Variants in SCTR observed in about 807,000 individuals in gnomAD.
SCTR encodes the protein pancreatic secretin receptor.
A neutral mutation model predicts 60.8 loss-of-function variants in SCTR; 56 were observed. That is an observed-to-expected ratio of 0.92 (90% CI 0.74 to 1.15). The LOEUF is 1.15. Among genes scored for constraint, SCTR ranks in the 50% most tolerant of loss-of-function variants. The probability of loss-of-function intolerance (pLI) is 0.00; values close to 1 mark genes in which losing one functional copy is unlikely to be tolerated. For missense variants in SCTR, 562 were observed against 550.4 expected (o/e 1.02, Z -0.21); for synonymous variants, 202 against 217.0 (o/e 0.93, Z 0.61).
rs144206038 is a variant in SCTR at position 119,484,044 on chromosome 2, A to G, written c.194-5126T>C. ...CCTTCCCAGGGAGCCCTGGCAGGGAAGGGACACAGCCCAGGACTAGGGTCA... is the reference window on the plus strand; with the variant it reads ...CCTTCCCAGGGAGCCCTGGCAGGGAGGGGACACAGCCCAGGACTAGGGTCA... On this transcript the variant is annotated intron_variant, in intron 2 of 12. Coordinates refer to ENST00000019103, the MANE Select transcript of SCTR (RefSeq NM_002980.3). 4.5e-3 allele frequency among the ~76,000 whole-genome samples: 681 copies of G among 152,206 alleles called. 4 individuals are homozygous for G. Among genetic ancestry groups the G allele is most frequent in the Non-Finnish European group, 6.7e-3 (458 of 67,990 alleles).
intron 1 of SCTR, among the ~76,000 whole-genome samples, chr2:119,522,290 C>G (rs147170878): frequency 6.6e-6 from 1 of 151,040 alleles, no homozygotes; most frequent in East Asian, 1.9e-4. Context: ...GAGTGAAACT[C>G]TGTCTCAAAA....
chr2:119,451,595 C>T (rs969259895), intron 9 of SCTR, among the ~76,000 whole-genome samples: 2 of 152,216 alleles, frequency 1.3e-5, no homozygotes, highest in Non-Finnish European at 2.9e-5. Flanking sequence ...CCCCGATCTG[C>T]ACTCCCACCC....
At position 119,473,526 on chromosome 2, in the gene SCTR, C is replaced by T; in HGVS notation, c.332G>A (p.Gly111Asp). 3 of 1,614,086 alleles carry T rather than the reference C, an allele frequency of 1.9e-6. No individual in the cohort carries two copies. Among genetic ancestry groups the T allele is most frequent in the Non-Finnish European group, 2.5e-6 (3 of 1,179,938 alleles). Residue 111 changes from glycine (G) to aspartate (D), a missense_variant, in exon 4 of 13, where the codon GGC becomes GAC. Coordinates refer to ENST00000019103, the MANE Select transcript of SCTR (RefSeq NM_002980.3). ...GSLFRNCTQDGWSETFPRPNL... is the reference protein window; with the variant it reads ...GSLFRNCTQDDWSETFPRPNL... ...AGGCCTGGGGAAGGTTTCTGACCAG[C>T]CATCCTGTGTGCAGTTTCGGAACAA...
At chr2:119,464,341 G>T in intron 5 of SCTR, 86 bp from the exon 6 acceptor site, 1 of 1,334,158 alleles carries the variant, frequency 7.5e-7, no homozygotes, top group Non-Finnish European at 1.1e-6. Flanking sequence ...GTGCACTGGG[G>T]AAACTGAGGC....
intron 1 of SCTR, among the ~76,000 whole-genome samples, chr2:119,510,659 GA>G (rs1678901640): frequency 6.6e-6 from 1 of 152,034 alleles, no homozygotes; most frequent in Non-Finnish European, 1.5e-5. Context: ...AAATGAAGAT[GA>G]AAGAATTGCT....
chr2:119,508,044 A>G (rs147015212), intron 1 of SCTR, among the ~76,000 whole-genome samples: 1 of 152,264 alleles, frequency 6.6e-6, no homozygotes, highest in African/African-American at 2.4e-5. Flanking sequence ...TAACTAGGCA[A>G]TTGGTTACCC....
chr2:119,510,337 G>A (rs1678892192), intron 1 of SCTR, among the ~76,000 whole-genome samples: 1 of 152,196 alleles, frequency 6.6e-6, no homozygotes, highest in Non-Finnish European at 1.5e-5. Context: ...GTGTCCACCA[G>A]TGTCTGTGAG....
chr2:119,480,368 C>T (rs902784485), intron 2 of SCTR, among the ~76,000 whole-genome samples: 5 of 152,126 alleles, frequency 3.3e-5, no homozygotes, highest in Admixed American at 6.5e-5. Flanking sequence ...GGGAAACTCC[C>T]GTTTATGAAA....
intron 1 of SCTR, among the ~76,000 whole-genome samples, chr2:119,516,512 G>A (rs894845366): frequency 6.6e-6 from 1 of 151,896 alleles, no homozygotes; most frequent in Non-Finnish European, 1.5e-5. Flanking sequence ...ATATTACAAA[G>A]TTGAATACAA....
intron 2 of SCTR, among the ~76,000 whole-genome samples, chr2:119,480,296 G>A (rs1403423244): frequency 6.6e-6 from 1 of 152,204 alleles, no homozygotes; most frequent in Non-Finnish European, 1.5e-5. Context: ...CACAATCATG[G>A]TGGAAGACGA....
At position 119,519,268 on chromosome 2, in the gene SCTR, C is replaced by T. The variant is rs559957830; in HGVS notation, c.72+4887G>A. Among the ~76,000 whole-genome samples, 33 of 152,260 alleles carry T rather than the reference C, an allele frequency of 2.2e-4. No individual in the cohort carries two copies. The South Asian group carries it at 6.6e-3, about 31-fold the overall frequency. On this transcript the variant is annotated intron_variant, in intron 1 of 12. Transcript: ENST00000019103. ...GGGATTACAGGCATGGGCCACCGCG[C>T]TCCGCCTAAGTGGACTCCCCTAAAC...
intron 9 of SCTR, among the ~76,000 whole-genome samples, chr2:119,449,501 T>G (rs1460367221): frequency 1.3e-5 from 2 of 152,238 alleles, no homozygotes; most frequent in Non-Finnish European, 2.9e-5. Flanking sequence ...TGTGCCTAGT[T>G]ATCTGCCAAT....
At chr2:119,455,116 TC>T (rs1248019968) in intron 7 of SCTR, among the ~76,000 whole-genome samples, 3 of 152,122 alleles carry the variant, frequency 2.0e-5, no homozygotes, top group Non-Finnish European at 4.4e-5. Flanking sequence ...AAAGCCCTGG[TC>T]CCCGGGCCGC....
intron 1 of SCTR, among the ~76,000 whole-genome samples, chr2:119,522,368 G>A (rs1471744951): frequency 6.6e-6 from 1 of 152,190 alleles, no homozygotes; most frequent in Non-Finnish European, 1.5e-5. Flanking sequence ...GGATGGTTGG[G>A]AATCAAGAGA....
At chr2:119,474,075 C>A (rs894315402) in intron 3 of SCTR, among the ~76,000 whole-genome samples, 1 of 152,220 alleles carries the variant, frequency 6.6e-6, no homozygotes, top group Non-Finnish European at 1.5e-5. Flanking sequence ...TCGGCCACGA[C>A]CTGTAGGCCA....
chr2:119,440,458 G>A (rs1255207565), intron 12 of SCTR, among the ~76,000 whole-genome samples: 3 of 152,216 alleles, frequency 2.0e-5, no homozygotes, highest in Non-Finnish European at 4.4e-5. Context: ...CTGGGCACAT[G>A]CACCTGCAAT....
At chr2:119,476,172 C>T (rs2104840145) in intron 3 of SCTR, among the ~76,000 whole-genome samples, 1 of 152,306 alleles carries the variant, frequency 6.6e-6, no homozygotes, top group East Asian at 1.9e-4. Context: ...CCTAGGGAAG[C>T]CTGCCTTCCT....
intron 4 of SCTR, among the ~76,000 whole-genome samples, chr2:119,472,125 T>C (rs991014291): frequency 2.0e-5 from 3 of 152,122 alleles, no homozygotes; most frequent in Admixed American, 2.0e-4. Context: ...TGAGTGTTTG[T>C]GGAGTGAATG....
intron 3 of SCTR, among the ~76,000 whole-genome samples, chr2:119,475,011 C>T (rs1318970735): frequency 6.6e-6 from 1 of 152,196 alleles, no homozygotes; most frequent in Non-Finnish European, 1.5e-5. Flanking sequence ...AAATAATCAC[C>T]CACACTGCAA....
Sources: gnomAD v4.1 joint callset for allele counts (sites outside exome capture counted in the v4.1 genomes callset) on GRCh38, gnomAD v4.1.1 for gene constraint, MANE v1.5 for transcripts, NCBI Gene and HGNC (gene_info 2026-07-23, HGNC 2026-07-21) for gene names.